Variants in CATSPER3 observed in about 807,000 individuals in gnomAD.
CATSPER3 encodes the protein cation channel sperm associated 3, also known as cation channel sperm-associated protein 3.
CATSPER3 carries 23 observed loss-of-function variants against 36.6 expected under a neutral mutation model. The observed-to-expected ratio is 0.63, with a 90% CI of 0.45 to 0.89. The LOEUF (loss-of-function observed/expected upper bound fraction) is 0.89, where lower values mean the gene tolerates loss of function less well. Ranked by LOEUF, CATSPER3 falls within the 40% of genes least tolerant of loss-of-function variation. CATSPER3 has a pLI of 0.00. For synonymous variants in CATSPER3, 172 were observed against 184.1 expected, an observed-to-expected ratio of 0.93 and a Z score of 0.53; for missense variants, 474 against 503.9, an observed-to-expected ratio of 0.94 and a Z score of 0.57.
rs570085394 is a variant in CATSPER3, at chr5:134,999,584, C to T, written c.492+3072C>T. ...TTTGTTTGTATCCTCTTTTATTTCA[C>T]TGGGCAGTGGTTTGTAGTTCTCCTT... On this transcript the variant is annotated intron_variant, in intron 3 of 7. Transcript: ENST00000282611. 3.9e-5 allele frequency among the ~76,000 whole-genome samples: 6 copies of T among 152,218 alleles called. No individual in the cohort carries two copies. In the South Asian group the frequency reaches 1.2e-3, roughly 32 times the overall value.
intron 3 of CATSPER3, among the ~76,000 whole-genome samples, chr5:134,997,682 G>C (rs1481695436): frequency 6.6e-6 from 1 of 152,036 alleles, no homozygotes; most frequent in African/African-American, 2.4e-5. Context: ...CTGTTTTCTC[G>C]GGATGGTCCC....
chr5:134,996,491 C>T lies in CATSPER3; in HGVS notation c.471C>T (p.Ile157=), dbSNP rs146770599. ...AGTCCCTGCGCATCCTCAAGCTTATCGGCTATAGCCAGGGCATCCGGGTGA... is the reference window on the plus strand; with the variant it reads ...AGTCCCTGCGCATCCTCAAGCTTATTGGCTATAGCCAGGGCATCCGGGTGA... ...GMQSLRILKL[I]GYSQGIRTLI... Residue 157 remains isoleucine (I), a synonymous_variant, in exon 3 of 8, where the codon ATC becomes ATT. Coordinates refer to ENST00000282611, the MANE Select transcript of CATSPER3 (RefSeq NM_178019.3). The T allele has an allele frequency of 8.0e-5, 129 of 1,614,052 alleles. 1 individual carries two copies. Among genetic ancestry groups the T allele is most frequent in the Middle Eastern group, 1.6e-4 (1 of 6,076 alleles).
intron 2 of CATSPER3, among the ~76,000 whole-genome samples, chr5:134,971,245 G>A (rs968009390): frequency 6.6e-5 from 10 of 151,896 alleles, no homozygotes; most frequent in East Asian, 1.9e-4. Context: ...CACTGTGCCC[G>A]GCCCCTCCCA....
rs1029743955 is a variant in CATSPER3 at position 134,984,626 on chromosome 5, T to C, written c.253-11647T>C. 3.9e-5 allele frequency among the ~76,000 whole-genome samples: 6 copies of C among 152,234 alleles called. No homozygotes were observed. In the South Asian group the frequency reaches 1.2e-3, roughly 32 times the overall value. On this transcript the variant is annotated intron_variant, in intron 2 of 7. Transcript: ENST00000282611. ...TTAAGAAGTCAAAAAGCAACATAGA[T>C]GTTGGTGTGGTTGTGGTGAAAAGGA...
chr5:134,971,198 C>T (rs1294862034), intron 2 of CATSPER3, among the ~76,000 whole-genome samples: 1 of 152,090 alleles, frequency 6.6e-6, no homozygotes, highest in African/African-American at 2.4e-5. Flanking sequence ...ATCCGCCCTC[C>T]TCGGCCTCCC....
At chr5:135,008,642 C>T (rs1353997615) in intron 4 of CATSPER3, among the ~76,000 whole-genome samples, 199 bp from the exon 5 acceptor site, 1 of 152,176 alleles carries the variant, frequency 6.6e-6, no homozygotes, top group African/African-American at 2.4e-5. Context: ...TGGTCAATAG[C>T]ATCCCCACCC....
rs539794802 is a variant in CATSPER3 at position 134,978,880 on chromosome 5, C to T, written c.252+8788C>T. Among the ~76,000 whole-genome samples, 6 of 151,918 alleles carry T rather than the reference C, an allele frequency of 3.9e-5. No homozygotes were observed. In the South Asian group the frequency reaches 8.3e-4, roughly 21 times the overall value. Reference sequence around the variant, plus strand: ...GACTACAGGTGCACGGTGCCATGCCCGGCTAATTTATTTTTGTATTTTTAG... The same window carrying T: ...GACTACAGGTGCACGGTGCCATGCCTGGCTAATTTATTTTTGTATTTTTAG... On this transcript the variant is annotated intron_variant, in intron 2 of 7. Transcript: ENST00000282611.
rs764097293 is a variant in CATSPER3 at position 134,978,868 on chromosome 5, C to T, written c.252+8776C>T. ...CTGAGTAGCTGGGACTACAGGTGCA[C>T]GGTGCCATGCCCGGCTAATTTATTT... On this transcript the variant is annotated intron_variant, in intron 2 of 7. Coordinates refer to ENST00000282611, the MANE Select transcript of CATSPER3 (RefSeq NM_178019.3). Among the ~76,000 whole-genome samples, 94 of 151,858 alleles carry T rather than the reference C, an allele frequency of 6.2e-4. 1 individual carries two copies. Among genetic ancestry groups the T allele is most frequent in the Admixed American group, 3.8e-3 (58 of 15,270 alleles).
intron 3 of CATSPER3, among the ~76,000 whole-genome samples, chr5:134,997,077 C>A (rs1190716828): frequency 6.6e-6 from 1 of 152,236 alleles, no homozygotes; most frequent in Non-Finnish European, 1.5e-5. Flanking sequence ...GGGCTGCCCC[C>A]CTGCCTTGAA....
At chr5:134,991,691 A>G (rs1393381536) in intron 2 of CATSPER3, among the ~76,000 whole-genome samples, 1 of 152,264 alleles carries the variant, frequency 6.6e-6, no homozygotes, top group East Asian at 1.9e-4. Context: ...AACTTTTAGA[A>G]GAAAACATAG....
In CATSPER3 at chr5:134,988,553, G is replaced by A. The variant is rs140037278; in HGVS notation, c.253-7720G>A. Among the ~76,000 whole-genome samples, 507 of 152,258 alleles carry A rather than the reference G, an allele frequency of 3.3e-3. 1 individual carries two copies. Among genetic ancestry groups the A allele is most frequent in the Non-Finnish European group, 5.5e-3 (373 of 68,020 alleles). On this transcript the variant is annotated intron_variant, in intron 2 of 7. Transcript: ENST00000282611. ...AACTTTCATAGCATCTTCGCCAGGC[G>A]TAGATTCCATCTCAAGGAACCAGTT...
chr5:134,981,879 C>T (rs764672672), intron 2 of CATSPER3, among the ~76,000 whole-genome samples: 8 of 152,142 alleles, frequency 5.3e-5, no homozygotes, highest in Non-Finnish European at 7.4e-5. Context: ...CCTGTAATCC[C>T]GGCAATTTGG....
intron 3 of CATSPER3, among the ~76,000 whole-genome samples, chr5:135,006,949 A>G (rs1182540077): frequency 6.6e-6 from 1 of 152,022 alleles, no homozygotes; most frequent in Non-Finnish European, 1.5e-5. Context: ...TCTGGTGTGC[A>G]TTCACCCCTG....
In CATSPER3 at chr5:134,969,504, TTAC is replaced by T. The variant is rs1487294551; in HGVS notation, c.99-433_99-431del. ...TTCTCTTGGGGTATTCAGTTTTTTA[TTAC>T]TGATGTGAGCATGTGTATGGGTGAT... is the stretch of plus-strand genomic sequence containing the variant. On this transcript the variant is annotated intron_variant, in intron 1 of 7. Coordinates refer to ENST00000282611, the MANE Select transcript of CATSPER3 (RefSeq NM_178019.3). 2 of 183,178 alleles carry T rather than the reference TTAC, an allele frequency of 1.1e-5. 1 individual carries two copies. Among genetic ancestry groups the T allele is most frequent in the South Asian group, 2.3e-4 (2 of 8,582 alleles). 11.3% of individuals were successfully genotyped at this position (183,178 alleles called of 1,614,324 possible).
intron 2 of CATSPER3, among the ~76,000 whole-genome samples, chr5:134,973,547 A>G (rs571636697): frequency 1.6e-4 from 25 of 152,184 alleles, no homozygotes; most frequent in Non-Finnish European, 3.1e-4. Context: ...GGTCTAGGGC[A>G]GGAGGTACAC....
intron 3 of CATSPER3, among the ~76,000 whole-genome samples, chr5:135,006,027 C>A (rs576442937): frequency 6.6e-6 from 1 of 152,132 alleles, no homozygotes; most frequent in Non-Finnish European, 1.5e-5. Flanking sequence ...ATTGCCCCCC[C>A]AAAAGAATTT....
chr5:134,991,291 A>T (rs892633994), intron 2 of CATSPER3, among the ~76,000 whole-genome samples: 6 of 152,224 alleles, frequency 3.9e-5, no homozygotes, highest in Non-Finnish European at 8.8e-5. Flanking sequence ...GGAAAAGGAG[A>T]TCTTCAAATT....
At chr5:134,989,486 G>A (rs1009837132) in intron 2 of CATSPER3, among the ~76,000 whole-genome samples, 7 of 152,244 alleles carry the variant, frequency 4.6e-5, no homozygotes, top group East Asian at 1.9e-4. Flanking sequence ...GGGATAAGGC[G>A]TTGCAGCTTC....
intron 2 of CATSPER3, among the ~76,000 whole-genome samples, chr5:134,971,075 G>A (rs1028001583): frequency 4.0e-5 from 6 of 151,442 alleles, no homozygotes; most frequent in African/African-American, 9.7e-5. Context: ...TCAGCCTCCC[G>A]AGTAGCTGGG....
Sources: allele counts gnomAD v4.1 joint callset (sites outside exome capture counted in the v4.1 genomes callset), GRCh38; gene constraint gnomAD v4.1.1; transcripts MANE v1.5; gene names NCBI Gene and HGNC (gene_info 2026-07-23, HGNC 2026-07-21).